Variants in GALNT18 observed in about 807,000 individuals in gnomAD.
The protein encoded by GALNT18 is GalNAc-transferase 18.
A neutral mutation model predicts 69.5 loss-of-function variants in GALNT18; 44 were observed. The observed-to-expected ratio is 0.63, with a 90% CI of 0.50 to 0.81. GALNT18 has a LOEUF of 0.81. GALNT18 is among the 40% of genes least tolerant of loss of function. GALNT18 has a pLI of 0.00. For missense variants in GALNT18, 715 were observed against 810.0 expected, an observed-to-expected ratio of 0.88 and a Z score of 1.42; for synonymous variants, 364 against 318.2, an observed-to-expected ratio of 1.14 and a Z score of -1.53.
chr11:11,381,529 C>G (rs952634032), intron 3 of GALNT18, among the ~76,000 whole-genome samples: 2 of 152,186 alleles, frequency 1.3e-5, no homozygotes, highest in Non-Finnish European at 1.5e-5. Flanking sequence ...ATGAATTTCA[C>G]CTCTCTGAAT....
At position 11,601,108 on chromosome 11, in the gene GALNT18, C is replaced by T. The variant is rs1859623766; in HGVS notation, c.235+20251G>A. Among the ~76,000 whole-genome samples the T allele has an allele frequency of 6.6e-6, 1 of 152,142 alleles. No individual in the cohort carries two copies. Among genetic ancestry groups the T allele is most frequent in the African/African-American group, 2.4e-5 (1 of 41,442 alleles). ...GAACAAATATATAATAGCTACTTTGCTGTCTTTTTCTGGTAAGTCTCACAT... is the reference window on the plus strand; with the variant it reads ...GAACAAATATATAATAGCTACTTTGTTGTCTTTTTCTGGTAAGTCTCACAT... On this transcript the variant is annotated intron_variant, in intron 1 of 10. Coordinates refer to ENST00000227756, the MANE Select transcript of GALNT18 (RefSeq NM_198516.3). The surrounding 1 kb of genome is among the most constrained non-coding windows in gnomAD (Gnocchi z 4.0).
intron 9 of GALNT18, among the ~76,000 whole-genome samples, chr11:11,296,618 G>A (rs988273151): frequency 5.9e-5 from 9 of 152,208 alleles, no homozygotes; most frequent in African/African-American, 2.2e-4. Flanking sequence ...TCAGGTAACA[G>A]CTGAAATCAG....
chr11:11,284,666 ACTTT>A (rs1849153715), intron 10 of GALNT18, among the ~76,000 whole-genome samples: 2 of 152,130 alleles, frequency 1.3e-5, no homozygotes, highest in Admixed American at 6.5e-5. Flanking sequence ...TTCCCATTCC[ACTTT>A]CTTTTTTAAT....
At position 11,563,184 on chromosome 11, in the gene GALNT18, G is replaced by A. The variant is rs1197956526; in HGVS notation, c.235+58175C>T. ...GCAGTGGGCCCAGCTGCCTGGCGCAGTCCAAATGTGTCCTCCCCAAGCCAT... is the reference window on the plus strand; with the variant it reads ...GCAGTGGGCCCAGCTGCCTGGCGCAATCCAAATGTGTCCTCCCCAAGCCAT... On this transcript the variant is annotated intron_variant, in intron 1 of 10. Coordinates refer to ENST00000227756, the MANE Select transcript of GALNT18 (RefSeq NM_198516.3). The surrounding 1 kb of genome is among the most constrained non-coding windows in gnomAD (Gnocchi z 4.6). 6.6e-6 allele frequency among the ~76,000 whole-genome samples: 1 copy of A among 152,168 alleles called. No homozygotes were observed. The highest frequency in any genetic ancestry group is 1.5e-5 in the Non-Finnish European group (1 of 68,030).
intron 9 of GALNT18, among the ~76,000 whole-genome samples, chr11:11,295,483 C>G (rs1849383305): frequency 6.6e-6 from 1 of 152,072 alleles, no homozygotes; most frequent in African/African-American, 2.4e-5. Flanking sequence ...GAGAGGAGGG[C>G]TTTGGGGTCA....
chr11:11,346,282 G>A (rs1850302135), intron 6 of GALNT18, among the ~76,000 whole-genome samples: 2 of 152,196 alleles, frequency 1.3e-5, no homozygotes, highest in Non-Finnish European at 2.9e-5. Context: ...ATCAGCACCT[G>A]CCACTTAGTC....
chr11:11,349,261 T>A (rs1462438823), intron 6 of GALNT18, among the ~76,000 whole-genome samples: 1 of 152,202 alleles, frequency 6.6e-6, no homozygotes, highest in Non-Finnish European at 1.5e-5. Flanking sequence ...GGAACGCGCT[T>A]GTATGTGTCT....
At position 11,481,670 on chromosome 11, in the gene GALNT18, G is replaced by A. The variant is rs540393430; in HGVS notation, c.236-32734C>T. Among the ~76,000 whole-genome samples, 9 of 152,288 alleles carry A rather than the reference G, an allele frequency of 5.9e-5. No individual in the cohort carries two copies. In the East Asian group the frequency reaches 1.7e-3, roughly 29 times the overall value. ...CACCAATGGAAAGAGAAAGCACCCA[G>A]GCAAAGAAACTCAGGTGCTGGTGGT... On this transcript the variant is annotated intron_variant, in intron 1 of 10. Transcript: ENST00000227756.
intron 6 of GALNT18, among the ~76,000 whole-genome samples, chr11:11,358,237 TC>T (rs1220975178): frequency 7.1e-6 from 1 of 140,926 alleles, no homozygotes; most frequent in Non-Finnish European, 1.6e-5. Flanking sequence ...TATATTTCTC[TC>T]TATCTTAACA....
chr11:11,490,829 C>T (rs900582349), intron 1 of GALNT18, among the ~76,000 whole-genome samples: 2 of 152,218 alleles, frequency 1.3e-5, no homozygotes, highest in African/African-American at 4.8e-5. Context: ...CTGGGTCTCC[C>T]TAATGAAACT....
intron 9 of GALNT18, among the ~76,000 whole-genome samples, chr11:11,295,230 C>T (rs961898926): frequency 1.7e-4 from 26 of 152,152 alleles, no homozygotes; most frequent in African/African-American, 4.8e-4. Flanking sequence ...TGTTCCCTTT[C>T]GCCAGTGTAT....
At chr11:11,545,867 T>C (rs1590087677) in intron 1 of GALNT18, among the ~76,000 whole-genome samples, 1 of 152,182 alleles carries the variant, frequency 6.6e-6, no homozygotes, top group Non-Finnish European at 1.5e-5. Context: ...AGGGGGGATG[T>C]GGTCATTTGG....
chr11:11,321,825 G>A (rs1050995307), intron 9 of GALNT18, among the ~76,000 whole-genome samples: 15 of 152,222 alleles, frequency 9.9e-5, no homozygotes, highest in African/African-American at 3.6e-4. Flanking sequence ...GGCTGGTCTC[G>A]AACTCCTGAC....
At chr11:11,351,047 G>T (rs1266762457) in intron 6 of GALNT18, among the ~76,000 whole-genome samples, 1 of 152,202 alleles carries the variant, frequency 6.6e-6, no homozygotes, top group Non-Finnish European at 1.5e-5. Context: ...AATCTATTGT[G>T]TGGGGCTCAT....
intron 6 of GALNT18, among the ~76,000 whole-genome samples, chr11:11,371,288 G>A (rs1243364722): frequency 1.3e-5 from 2 of 152,224 alleles, no homozygotes; most frequent in Non-Finnish European, 2.9e-5. Context: ...TCAGGGGCAA[G>A]GGCCGTCCAG....
chr11:11,545,441 C>T (rs1565004440), intron 1 of GALNT18, among the ~76,000 whole-genome samples: 1 of 152,206 alleles, frequency 6.6e-6, no homozygotes, highest in Non-Finnish European at 1.5e-5. Context: ...ATGGGAAATT[C>T]CAAGCTGTGT....
intron 1 of GALNT18, among the ~76,000 whole-genome samples, chr11:11,513,764 T>C (rs1857209906): frequency 6.6e-6 from 1 of 152,260 alleles, no homozygotes; most frequent in Admixed American, 6.5e-5. Context: ...ACATTTCTTC[T>C]GGGACTGTTC....
chr11:11,593,224 C>CTTTA (rs1011176123), intron 1 of GALNT18, among the ~76,000 whole-genome samples: 13 of 152,324 alleles, frequency 8.5e-5, no homozygotes, highest in African/African-American at 3.1e-4. Context: ...GACGTACAGT[C>CTTTA]TTTACTTCTC....
Position 11,573,586 on chromosome 11 carries a change from G to T in GALNT18, c.235+47773C>A, listed in dbSNP as rs896538912. 1 of 152,230 alleles carries T rather than the reference G, an allele frequency of 6.6e-6. No individual in the cohort carries two copies. The highest frequency in any genetic ancestry group is 1.5e-5 in the Non-Finnish European group (1 of 68,068). 9.4% of individuals were successfully genotyped at this position (152,230 alleles called of 1,614,324 possible). On this transcript the variant is annotated intron_variant, in intron 1 of 10. Transcript: ENST00000227756. The surrounding 1 kb of genome is among the most constrained non-coding windows in gnomAD (Gnocchi z 4.6). ...GCAGGAGCCTTGATCCACCCAGGAA[G>T]AGGTGCCAGCTGGATCAGCAAGAGG...
Sources: gnomAD v4.1 joint callset for allele counts (sites outside exome capture counted in the v4.1 genomes callset) on GRCh38, gnomAD v4.1.1 for gene constraint, Gnocchi (gnomAD v3.1) non-coding constraint, MANE v1.5 for transcripts, NCBI Gene and HGNC (gene_info 2026-07-23, HGNC 2026-07-21) for gene names.